Variants in CAMK1D observed in about 807,000 individuals in gnomAD.
CAMK1D encodes the protein calcium/calmodulin dependent protein kinase ID.
A neutral mutation model predicts 47.7 loss-of-function variants in CAMK1D; 9 were observed. The observed-to-expected ratio is 0.19, with a 90% CI of 0.11 to 0.33. The LOEUF is 0.33. CAMK1D is among the 10% of genes least tolerant of loss of function. The pLI is 1.00. For missense variants in CAMK1D, 291 were observed against 488.7 expected (o/e 0.60, Z 3.81); for synonymous variants, 184 against 184.9 (o/e 0.99, Z 0.04).
At chr10:12,443,027 A>G (rs765996016) in intron 1 of CAMK1D, among the ~76,000 whole-genome samples, 1 of 152,026 alleles carries the variant, frequency 6.6e-6, no homozygotes, top group African/African-American at 2.4e-5. Context: ...AACGTTTCCC[A>G]TCAATTTTGA....
intron 1 of CAMK1D, among the ~76,000 whole-genome samples, chr10:12,481,477 C>T (rs977635147): frequency 2.0e-5 from 3 of 152,102 alleles, no homozygotes; most frequent in East Asian, 3.9e-4. Context: ...AACCTGTCTC[C>T]CATGTTGTGT....
intron 6 of CAMK1D, among the ~76,000 whole-genome samples, chr10:12,796,024 A>G (rs1838182956): frequency 6.6e-6 from 1 of 152,244 alleles, no homozygotes; most frequent in African/African-American, 2.4e-5. Context: ...GATGAACCTC[A>G]GCATCTCACA....
chr10:12,570,680 C>CAAAA (rs35160242), intron 2 of CAMK1D, among the ~76,000 whole-genome samples: 1 of 84,546 alleles, frequency 1.2e-5, no homozygotes, highest in Non-Finnish European at 2.5e-5. Context: ...AACTCCATCT[C>CAAAA]AAAAAAAAAA....
intron 5 of CAMK1D, among the ~76,000 whole-genome samples, chr10:12,784,290 C>T (rs922401462): frequency 1.3e-5 from 2 of 151,686 alleles, no homozygotes; most frequent in Non-Finnish European, 2.9e-5. Context: ...CTCCACCTCC[C>T]AGGTTCAAGC....
chr10:12,529,959 A>G (rs112486279), intron 1 of CAMK1D, among the ~76,000 whole-genome samples: 7 of 152,192 alleles, frequency 4.6e-5, no homozygotes, highest in African/African-American at 1.7e-4. Flanking sequence ...AGGCTTTGGA[A>G]ATGGAAACAA....
chr10:12,455,824 T>G (rs1833226414), intron 1 of CAMK1D, among the ~76,000 whole-genome samples: 1 of 152,222 alleles, frequency 6.6e-6, no homozygotes, highest in Non-Finnish European at 1.5e-5. Context: ...ATGCTGTCCG[T>G]GCCAAATGAT....
intron 3 of CAMK1D, among the ~76,000 whole-genome samples, chr10:12,670,619 C>G (rs1158550884): frequency 2.0e-5 from 3 of 151,904 alleles, no homozygotes; most frequent in Non-Finnish European, 4.4e-5. Flanking sequence ...GTGATCTTGG[C>G]TCACTGCAAC....
intron 2 of CAMK1D, among the ~76,000 whole-genome samples, chr10:12,655,840 C>T (rs1840102198): frequency 6.6e-6 from 1 of 152,206 alleles, no homozygotes; most frequent in African/African-American, 2.4e-5. Context: ...CAAGAAAATT[C>T]TGTTCTGTGT....
chr10:12,580,648 A>T (rs370116458), intron 2 of CAMK1D, among the ~76,000 whole-genome samples: 23 of 152,208 alleles, frequency 1.5e-4, no homozygotes, highest in African/African-American at 5.5e-4. Context: ...GAAAAACAGA[A>T]GTCATGGAGA....
rs1289508496 is a variant in CAMK1D at position 12,626,175 on chromosome 10, T to C, written c.225-40561T>C. On this transcript the variant is annotated intron_variant, in intron 2 of 10. Transcript: ENST00000619168. ...GTTTTCTTTTATTTTAAATGAAAGC[T>C]ATGTCATACTCATACGACACCAAAA... Among the ~76,000 whole-genome samples the C allele has an allele frequency of 2.6e-5, 4 of 152,218 alleles. No homozygotes were observed. In the East Asian group the frequency reaches 5.8e-4, roughly 22 times the overall value.
rs55700646 is a variant in CAMK1D, at chr10:12,361,248, G to GTTTTTTTTTT, written c.92+11345_92+11354dup. 1.1e-3 allele frequency among the ~76,000 whole-genome samples: 134 copies of GTTTTTTTTTT among 120,020 alleles called. 1 individual carries two copies. Among genetic ancestry groups the GTTTTTTTTTT allele is most frequent in the Middle Eastern group, 4.2e-3 (1 of 236 alleles). 78.7% of individuals were successfully genotyped at this position (120,020 alleles called of 152,430 possible). On this transcript the variant is annotated intron_variant, in intron 1 of 10. Transcript: ENST00000619168. ...TAATAACAAGACTTCCTATTTGACT[G>GTTTTTTTTTT]TTTTTTTTTTTTTTTTGAGATGGAG...
At chr10:12,780,395 T>C (rs1166066451) in intron 5 of CAMK1D, among the ~76,000 whole-genome samples, 2 of 152,186 alleles carry the variant, frequency 1.3e-5, no homozygotes, top group African/African-American at 4.8e-5. Context: ...GGGCTAAATA[T>C]CTCCTGTAAA....
rs180720364 is a variant in CAMK1D, at chr10:12,730,401, A to G, written c.300-30547A>G. 9.3e-4 allele frequency among the ~76,000 whole-genome samples: 141 copies of G among 152,334 alleles called. 1 individual carries two copies. In the Middle Eastern group the frequency reaches 0.024, roughly 26 times the overall value. ...GATTTGGGGGGAAGATCAGGATTTC[A>G]TTCTTGGATGTGCTGAGTTTGAAAC... On this transcript the variant is annotated intron_variant, in intron 3 of 10. Coordinates refer to ENST00000619168, the MANE Select transcript of CAMK1D (RefSeq NM_153498.4).
intron 1 of CAMK1D, among the ~76,000 whole-genome samples, chr10:12,393,321 G>A (rs1229497985): frequency 6.6e-6 from 1 of 152,114 alleles, no homozygotes. Context: ...GTGAGACACT[G>A]CGCCTGGCCT....
chr10:12,634,858 G>C (rs1330542470), intron 2 of CAMK1D, among the ~76,000 whole-genome samples: 1 of 152,162 alleles, frequency 6.6e-6, no homozygotes, highest in Non-Finnish European at 1.5e-5. Context: ...TTGAGGTCAT[G>C]ATGGTGGCCG....
chr10:12,637,966 G>T (rs150920022), intron 2 of CAMK1D, among the ~76,000 whole-genome samples: 1 of 152,106 alleles, frequency 6.6e-6, no homozygotes, highest in Non-Finnish European at 1.5e-5. Flanking sequence ...TCCACAGCCC[G>T]GCCCGGTAGC....
intron 1 of CAMK1D, among the ~76,000 whole-genome samples, chr10:12,436,965 G>A (rs1414445033): frequency 6.6e-6 from 1 of 152,174 alleles, no homozygotes; most frequent in African/African-American, 2.4e-5. Context: ...GGCACCAGGG[G>A]CAGGGCGCAG....
chr10:12,569,726 A>AAAG (rs1355504809), intron 2 of CAMK1D, among the ~76,000 whole-genome samples: 4 of 150,918 alleles, frequency 2.7e-5, no homozygotes, highest in African/African-American at 9.7e-5. Context: ...CCGTCTCAAA[A>AAAG]AAAAAAAAAA....
chr10:12,403,065 C>G (rs1173632022), intron 1 of CAMK1D, among the ~76,000 whole-genome samples: 1 of 150,990 alleles, frequency 6.6e-6, no homozygotes, highest in Non-Finnish European at 1.5e-5. Context: ...CCTGCATTGT[C>G]TACTTAAGCA....
Sources: gnomAD v4.1 joint callset for allele counts (sites outside exome capture counted in the v4.1 genomes callset) on GRCh38, gnomAD v4.1.1 for gene constraint, MANE v1.5 for transcripts, NCBI Gene and HGNC (gene_info 2026-07-23, HGNC 2026-07-21) for gene names.